The following KLHL21 variants were observed in gnomAD, a reference collection of about 807,000 sequenced individuals.
KLHL21 encodes the protein kelch-like protein 21.
A neutral mutation model predicts 44.1 loss-of-function variants in KLHL21; 42 were observed. The ratio of observed to expected loss-of-function variants is 0.95; its 90% CI spans 0.74 to 1.23. The LOEUF is 1.23. Ranked by LOEUF, KLHL21 falls within the 50% of genes most tolerant of loss-of-function variation. The probability of loss-of-function intolerance (pLI) is 0.00; values close to 1 mark genes in which losing one functional copy is unlikely to be tolerated. For synonymous variants in KLHL21, 524 were observed against 411.6 expected (o/e 1.27, Z -3.31); for missense variants, 918 against 889.1 (o/e 1.03, Z -0.41).
intron 1 of KLHL21, chr1:6,599,666 A>C (rs1167188972): frequency 1.7e-6 from 1 of 592,860 alleles, no homozygotes; most frequent in Non-Finnish European, 3.0e-6. Context: ...ACTGCTGCCA[A>C]GCCTCTACCA....
intron 1 of KLHL21, among the ~76,000 whole-genome samples, chr1:6,600,398 G>A (rs1359606668): frequency 6.6e-6 from 1 of 152,124 alleles, no homozygotes; most frequent in Non-Finnish European, 1.5e-5. Context: ...GGCTGTAATC[G>A]TAAATTACAC....
intron 2 of KLHL21, among the ~76,000 whole-genome samples, chr1:6,598,328 G>T (rs961326356): frequency 3.9e-5 from 6 of 152,210 alleles, no homozygotes; most frequent in Non-Finnish European, 1.5e-5. Context: ...CCAGCACTTT[G>T]GGAGGCTGAG....
Position 6,593,844 on chromosome 1 carries a change from G to A in KLHL21, c.1501-186C>T, listed in dbSNP as rs1171983656. On this transcript the variant is annotated intron_variant, in intron 3 of 3. Transcript: ENST00000377658. ...CTGCCTAGGAGAACGGGCCTCCCCGGAGGCAGCTGGGCCTTCCCTATGGTG... is the reference window on the plus strand; with the variant it reads ...CTGCCTAGGAGAACGGGCCTCCCCGAAGGCAGCTGGGCCTTCCCTATGGTG... The A allele has an allele frequency of 2.2e-6, 3 of 1,368,300 alleles. No individual in the cohort carries two copies. In the Admixed American group the frequency reaches 9.1e-5, roughly 42 times the overall value. 84.8% of individuals were successfully genotyped at this position (1,368,300 alleles called of 1,614,324 possible).
intron 3 of KLHL21, chr1:6,593,977 G>A: frequency 8.8e-7 from 1 of 1,133,458 alleles, no homozygotes; most frequent in Non-Finnish European, 1.1e-6. Flanking sequence ...GGGCTGAGCA[G>A]TGCTGTTCTC....
Position 6,591,616 on chromosome 1 carries a change from C to T in KLHL21, c.*1749G>A, listed in dbSNP as rs1212328843. 1.3e-5 allele frequency: 2 copies of T among 152,406 alleles called. No individual in the cohort carries two copies. Among genetic ancestry groups the T allele is most frequent in the East Asian group, 1.9e-4 (1 of 5,202 alleles). 9.4% of individuals were successfully genotyped at this position (152,406 alleles called of 1,614,324 possible). A position where few individuals can be genotyped will look rare whatever the true frequency, so the allele number is the denominator to read the frequency against. ...TGCTGACAAGGGAGACAAGCTGCCC[C>T]GCTGAACTCCAACAACCTCTGGGTG... On this transcript the variant is annotated 3_prime_UTR_variant, in exon 4 of 4. Coordinates refer to ENST00000377658, the MANE Select transcript of KLHL21 (RefSeq NM_014851.4).
rs772542849 is a variant in KLHL21, at chr1:6,601,972, G to A, written c.846C>T (p.Thr282=). The change falls in exon 1 of 4, where the codon ACC becomes ACT. Residue 282 remains threonine (T), a synonymous_variant. Coordinates refer to ENST00000377658, the MANE Select transcript of KLHL21 (RefSeq NM_014851.4). ...PCPRMRPRPS[T]GLAEILVLVG... Reference sequence around the variant, plus strand: ...CGAGCACGAGGATCTCGGCGAGACCGGTGGACGGGCGAGGACGCATTCGGG... The same window carrying A: ...CGAGCACGAGGATCTCGGCGAGACCAGTGGACGGGCGAGGACGCATTCGGG... The A allele has an allele frequency of 3.0e-5, 47 of 1,556,596 alleles. No individual in the cohort carries two copies. In the African/African-American group the frequency reaches 4.2e-4, roughly 14 times the overall value.
At chr1:6,599,642 T>C (rs956508115) in intron 1 of KLHL21, 190 bp from the exon 2 acceptor site, 4 of 619,246 alleles carry the variant, frequency 6.5e-6, no homozygotes, top group Non-Finnish European at 1.1e-5. Flanking sequence ...CGCTGACCAC[T>C]GTCCAGCGAG....
intron 2 of KLHL21, 95 bp downstream of exon 2, chr1:6,598,952 T>C (rs1226399494): frequency 2.4e-6 from 3 of 1,271,048 alleles, no homozygotes; most frequent in African/African-American, 3.0e-5. Context: ...CAGTTTCTCA[T>C]CTGTGGAAAA....
chr1:6,598,808 G>A (rs1184443939), intron 2 of KLHL21, among the ~76,000 whole-genome samples: 10 of 152,194 alleles, frequency 6.6e-5, no homozygotes, highest in East Asian at 1.9e-4. Flanking sequence ...GCGTGAACCC[G>A]GAAGGTGGAG....
intron 2 of KLHL21, among the ~76,000 whole-genome samples, chr1:6,596,771 C>T (rs374478626): frequency 6.6e-6 from 1 of 152,146 alleles, no homozygotes; most frequent in African/African-American, 2.4e-5. Flanking sequence ...GGACAGAGCT[C>T]GCCGGCATTC....
chr1:6,599,910 G>A, intron 1 of KLHL21: 1 of 165,062 alleles, frequency 6.1e-6, no homozygotes, highest in Non-Finnish European at 1.3e-5. Context: ...CCCACTTCCT[G>A]CTTTAAGCAA....
chr1:6,602,774 G>T lies in KLHL21; in HGVS notation c.44C>A (p.Pro15His). The change falls in exon 1 of 4, where the codon CCC becomes CAC. Residue 15 changes from proline to histidine, a missense_variant. Transcript: ENST00000377658. ...GCGCAGCAGGCTCAGGGCGTGCGCGGGGTCCGAGAAGGGAAGCACGGCCAG... is the reference window on the plus strand; with the variant it reads ...GCGCAGCAGGCTCAGGGCGTGCGCGTGGTCCGAGAAGGGAAGCACGGCCAG... ...APLAVLPFSD[P>H]AHALSLLRGL... The T allele has an allele frequency of 6.7e-7, 1 of 1,486,740 alleles. No homozygotes were observed. 92.1% of individuals were successfully genotyped at this position (1,486,740 alleles called of 1,614,324 possible).
chr1:6,601,734 G>C, intron 1 of KLHL21, 63 bp downstream of exon 1: 1 of 1,470,698 alleles, frequency 6.8e-7, no homozygotes, highest in Non-Finnish European at 9.1e-7. Context: ...CCCGCGAATA[G>C]CTGGGCTCCC....
In KLHL21 at chr1:6,593,328, T is replaced by A. The variant is rs763362965; in HGVS notation, c.*37A>T. On this transcript the variant is annotated 3_prime_UTR_variant, in exon 4 of 4. Transcript: ENST00000377658. Reference sequence around the variant, plus strand: ...GGGCACTGCCCCGCAGAGGTGCCAGTTACCTGCACCGAGGCCCGTGCCGGG... The same window carrying A: ...GGGCACTGCCCCGCAGAGGTGCCAGATACCTGCACCGAGGCCCGTGCCGGG... The A allele has an allele frequency of 1.7e-5, 26 of 1,529,362 alleles. No individual in the cohort carries two copies. In the African/African-American group the frequency reaches 3.2e-4, roughly 19 times the overall value. The allele number at this position is 1,529,362 out of a possible 1,614,324, so 94.7% of individuals were successfully genotyped here. A position where few individuals can be genotyped will look rare whatever the true frequency, so the allele number is the denominator to read the frequency against.
chr1:6,602,312 C>G lies in KLHL21; in HGVS notation c.506G>C (p.Gly169Ala), dbSNP rs1470299910. 25 of 1,553,432 alleles carry G rather than the reference C, an allele frequency of 1.6e-5. No individual in the cohort carries two copies. The highest frequency in any genetic ancestry group is 2.1e-5 in the Non-Finnish European group (24 of 1,156,420). Residue 169 changes from glycine to alanine, a missense_variant, in exon 1 of 4, where the codon GGC (glycine) becomes GCC (alanine). Gly to Ala is a moderately conservative substitution (Grantham distance 60). Coordinates refer to ENST00000377658, the MANE Select transcript of KLHL21 (RefSeq NM_014851.4). Reference sequence around the variant, plus strand: ...TGGCAGCCGCTCCAGCTGCTCGGCGCCCAGCTCGCCCACGTGGCGCAGAAT... The same window carrying G: ...TGGCAGCCGCTCCAGCTGCTCGGCGGCCAGCTCGCCCACGTGGCGCAGAAT... ...RFILRHVGEL[G>A]AEQLERLPLA...
chr1:6,602,862 GGAGA>G lies in KLHL21; in HGVS notation c.-49_-46del. Reference sequence around the variant, plus strand: ...CGAGGACGCCGCGGCCGGGGCCTGCGGAGAGACGCGGCGCGCTAGGCACCGCTGC... The same window carrying G: ...CGAGGACGCCGCGGCCGGGGCCTGCGGACGCGGCGCGCTAGGCACCGCTGC... On this transcript the variant is annotated 5_prime_UTR_variant, in exon 1 of 4. Transcript: ENST00000377658. The G allele has an allele frequency of 7.3e-7, 1 of 1,377,260 alleles. No homozygotes were observed. The allele number at this position is 1,377,260 out of a possible 1,614,324, so 85.3% of individuals were successfully genotyped here.
chr1:6,599,248 G>T lies in KLHL21; in HGVS notation c.1226C>A (p.Thr409Asn). The change falls in exon 2 of 4, where the codon ACC becomes AAC. Residue 409 changes from threonine (T) to asparagine (N), a missense_variant. Physicochemically the swap from Thr to Asn is moderately conservative, Grantham distance 65 (BLOSUM62 0). Transcript: ENST00000377658. ...TDSWEALQPM[T>N]YPMDNCSTTA... ...GGTGGAGCAGTTGTCCATGGGGTAG[G>T]TCATGGGCTGCAGGGCCTCCCAGGA... The T allele has an allele frequency of 1.9e-6, 3 of 1,614,084 alleles. No homozygotes were observed. Among genetic ancestry groups the T allele is most frequent in the African/African-American group, 1.3e-5 (1 of 75,054 alleles).
At position 6,593,460 on chromosome 1, in the gene KLHL21, A is replaced by T. The variant is rs748454656; in HGVS notation, c.1699T>A (p.Phe567Ile). The T allele has an allele frequency of 8.1e-6, 13 of 1,613,526 alleles. No homozygotes were observed. In the South Asian group the frequency reaches 1.1e-4, roughly 14 times the overall value. The change falls in exon 4 of 4, where the codon TTC (phenylalanine) becomes ATC (isoleucine). Residue 567 changes from phenylalanine to isoleucine, a missense_variant. Transcript: ENST00000377658. The stretch of plus-strand genomic sequence containing the variant: ...AACTCGAAGCCACGCCCACCCGAGA[A>T]GGTCTGGGGCATGAACTGGCGGAAG... ...SIFRQFMPQT[F>I]SGGRGFELDS...
Position 6,602,016 on chromosome 1 carries a change from G to GGCGGTCGTA in KLHL21, c.793_801dup (p.Tyr265_Arg267dup), listed in dbSNP as rs1439664902. On this transcript the variant is annotated inframe_insertion, in exon 1 of 4. Coordinates refer to ENST00000377658, the MANE Select transcript of KLHL21 (RefSeq NM_014851.4). ...ATTCGGGGACAGGGCCCGCGGTCGT[G>GGCGGTCGTA]GCGGTCGTAGCGCGCCGCCTGGAAG... 2.0e-6 allele frequency: 3 copies of GGCGGTCGTA among 1,536,650 alleles called. No homozygotes were observed. The highest frequency in any genetic ancestry group is 1.2e-5 in the South Asian group (1 of 83,316).
Sources: allele counts gnomAD v4.1 joint callset (sites outside exome capture counted in the v4.1 genomes callset), GRCh38; gene constraint gnomAD v4.1.1; transcripts MANE v1.5; gene names NCBI Gene and HGNC (gene_info 2026-07-23, HGNC 2026-07-21).